CDH9: variants seen among roughly 807,000 people sequenced by gnomAD.
CDH9 encodes the protein cadherin-9.
Under a neutral mutation model 70.9 loss-of-function variants are expected in CDH9, and 28 were observed. The ratio of observed to expected loss-of-function variants is 0.40; its 90% CI spans 0.29 to 0.54. The LOEUF is 0.54. CDH9 is among the 20% of genes least tolerant of loss of function. The pLI is 0.59. For missense variants in CDH9, 874 were observed against 984.4 expected (o/e 0.89, Z 1.50); for synonymous variants, 409 against 343.1 (o/e 1.19, Z -2.12).
intron 2 of CDH9, among the ~76,000 whole-genome samples, chr5:26,969,933 T>TAA (rs1368504798): frequency 7.5e-5 from 11 of 146,444 alleles, no homozygotes; most frequent in African/African-American, 2.8e-4. Flanking sequence ...TATATATATA[T>TAA]ATAATATATA....
At chr5:26,970,764 A>T (rs547512921) in intron 2 of CDH9, among the ~76,000 whole-genome samples, 5 of 152,194 alleles carry the variant, frequency 3.3e-5, no homozygotes, top group African/African-American at 4.8e-5. Context: ...TCTTAAAAAA[A>T]AAAATCTCAT....
intron 4 of CDH9, 59 bp downstream of exon 4, chr5:26,906,660 T>G: frequency 6.4e-7 from 1 of 1,553,020 alleles, no homozygotes; most frequent in African/African-American, 1.4e-5. Context: ...AATCTCTAAA[T>G]TAATTATGCA....
At chr5:26,981,466 T>A (rs1742398262) in intron 2 of CDH9, among the ~76,000 whole-genome samples, 1 of 152,104 alleles carries the variant, frequency 6.6e-6, no homozygotes, top group Admixed American at 6.6e-5. Context: ...CAACAATCCT[T>A]TATTTTTCTC....
intron 11 of CDH9, among the ~76,000 whole-genome samples, chr5:26,882,392 T>C (rs1740482749): frequency 6.6e-6 from 1 of 152,100 alleles, no homozygotes. Context: ...ATTTGCTGTA[T>C]TATTTTTATT....
At chr5:26,993,304 A>C (rs577764752) in intron 1 of CDH9, among the ~76,000 whole-genome samples, 1 of 152,264 alleles carries the variant, frequency 6.6e-6, no homozygotes, top group South Asian at 2.1e-4. Context: ...CAGAATGTAG[A>C]ATTTGGGAGC....
intron 1 of CDH9, among the ~76,000 whole-genome samples, chr5:27,007,534 A>T (rs1485253968): frequency 6.6e-6 from 1 of 152,134 alleles, no homozygotes; most frequent in Non-Finnish European, 1.5e-5. Context: ...AAAAATCTCA[A>T]CTTTTCTCCT....
chr5:26,928,046 A>C (rs1407682695), intron 2 of CDH9, among the ~76,000 whole-genome samples: 3 of 152,048 alleles, frequency 2.0e-5, no homozygotes, highest in Non-Finnish European at 4.4e-5. Flanking sequence ...TCTGTAACTT[A>C]AGTTAAATTA....
intron 8 of CDH9, 42 bp from the exon 9 acceptor site, chr5:26,889,999 A>G: frequency 6.3e-7 from 1 of 1,592,368 alleles, no homozygotes; most frequent in Non-Finnish European, 8.5e-7. Context: ...TCATTTACAC[A>G]GAAGCAGTGA....
intron 3 of CDH9, 26 bp downstream of exon 3, chr5:26,915,604 G>A (rs1193062283): frequency 1.5e-6 from 2 of 1,348,548 alleles, no homozygotes; most frequent in Non-Finnish European, 2.1e-6. Flanking sequence ...ATAAAAAGTA[G>A]TTTACATGGA....
At chr5:27,031,242 C>T (rs1293394749) in intron 1 of CDH9, among the ~76,000 whole-genome samples, 3 of 151,476 alleles carry the variant, frequency 2.0e-5, no homozygotes, top group African/African-American at 4.8e-5. Flanking sequence ...CATAGAAAAC[C>T]GCTATATTGT....
intron 3 of CDH9, among the ~76,000 whole-genome samples, chr5:26,908,004 T>A: frequency 6.6e-6 from 1 of 152,168 alleles, no homozygotes; most frequent in East Asian, 1.9e-4. Context: ...TATATAGTAA[T>A]TAAGATCAAT....
At chr5:27,036,672 A>AT (rs1356102874) in intron 1 of CDH9, among the ~76,000 whole-genome samples, 1 of 151,632 alleles carries the variant, frequency 6.6e-6, no homozygotes, top group African/African-American at 2.4e-5. Context: ...TCTCTAAATC[A>AT]TTTTTTCTAT....
intron 7 of CDH9, among the ~76,000 whole-genome samples, chr5:26,893,151 G>T (rs1740689759): frequency 6.6e-6 from 1 of 152,124 alleles, no homozygotes; most frequent in African/African-American, 2.4e-5. Flanking sequence ...GAATTATGCT[G>T]AACTTAAGGG....
chr5:26,923,978 A>G (rs1279500641), intron 2 of CDH9, among the ~76,000 whole-genome samples: 1 of 152,052 alleles, frequency 6.6e-6, no homozygotes, highest in Non-Finnish European at 1.5e-5. Context: ...CTAATAATAC[A>G]TCATAAGACA....
chr5:26,966,313 G>T (rs961003039), intron 2 of CDH9, among the ~76,000 whole-genome samples: 3 of 152,140 alleles, frequency 2.0e-5, no homozygotes, highest in Non-Finnish European at 4.4e-5. Flanking sequence ...GACCCCTGCA[G>T]TGCCTCACAG....
chr5:26,881,171 C>T lies in CDH9; in HGVS notation c.2335G>A (p.Asp779Asn), dbSNP rs368164243. Residue 779 changes from aspartate (D) to asparagine (N), a missense_variant, in exon 12 of 12, where the codon GAT becomes AAT. Transcript: ENST00000231021. ...TCACTATCATCACCCCCATACATAT[C>T]GGCAAGTTTTTTGAAACGAGGCCCC... Reference protein sequence around the residue: ...DWGPRFKKLADMYGGDDSDRD With the variant: ...DWGPRFKKLANMYGGDDSDRD The T allele has an allele frequency of 5.0e-6, 8 of 1,612,316 alleles. No individual in the cohort carries two copies. Among genetic ancestry groups the T allele is most frequent in the East Asian group, 2.2e-5 (1 of 44,860 alleles).
chr5:26,922,029 A>T (rs1443296407), intron 2 of CDH9, among the ~76,000 whole-genome samples: 1 of 90,518 alleles, frequency 1.1e-5, no homozygotes, highest in Non-Finnish European at 2.4e-5. Context: ...AATAGTCCAA[A>T]AAAAAAAAAA....
At chr5:26,966,928 G>GTATT (rs770326140) in intron 2 of CDH9, among the ~76,000 whole-genome samples, 1 of 151,750 alleles carries the variant, frequency 6.6e-6, no homozygotes, top group Non-Finnish European at 1.5e-5. Context: ...GTTTTTAAGT[G>GTATT]TATTTATTTA....
chr5:26,916,145 A>G (rs1271008277), intron 2 of CDH9, among the ~76,000 whole-genome samples: 1 of 151,990 alleles, frequency 6.6e-6, no homozygotes, highest in Non-Finnish European at 1.5e-5. Flanking sequence ...CTAGATTTAA[A>G]ATAATGTGAA....
Sources: gnomAD v4.1 joint callset for allele counts (sites outside exome capture counted in the v4.1 genomes callset) on GRCh38, gnomAD v4.1.1 for gene constraint, MANE v1.5 for transcripts, NCBI Gene and HGNC (gene_info 2026-07-23, HGNC 2026-07-21) for gene names.